Variants in CCDC91 observed in about 807,000 individuals in gnomAD.
CCDC91 encodes the protein coiled-coil domain-containing protein 91.
CCDC91 carries 48 observed loss-of-function variants against 63.2 expected under a neutral mutation model. The ratio of observed to expected loss-of-function variants is 0.76; its 90% CI spans 0.60 to 0.97. CCDC91 has a LOEUF of 0.97. Ranked by LOEUF, CCDC91 falls within the 50% of genes least tolerant of loss-of-function variation. CCDC91 has a pLI of 0.00. For synonymous variants in CCDC91, 167 were observed against 165.8 expected (o/e 1.01, Z -0.06); for missense variants, 500 against 494.6 (o/e 1.01, Z -0.10).
At chr12:28,416,577 G>T (rs1292836331) in intron 8 of CCDC91, among the ~76,000 whole-genome samples, 5 of 152,050 alleles carry the variant, frequency 3.3e-5, no homozygotes, top group African/African-American at 9.7e-5. Context: ...GGGAATTGTT[G>T]CTAAACTGAC....
chr12:28,244,093 A>G (rs1187130326), intron 1 of CCDC91, among the ~76,000 whole-genome samples: 1 of 152,252 alleles, frequency 6.6e-6, no homozygotes, highest in Non-Finnish European at 1.5e-5. Flanking sequence ...TTTCCCAGGT[A>G]TGCAAGGATG....
intron 11 of CCDC91, among the ~76,000 whole-genome samples, chr12:28,467,560 GAAATCAAC>G (rs922222610): frequency 1.3e-5 from 2 of 151,904 alleles, no homozygotes; most frequent in Non-Finnish European, 1.5e-5. Flanking sequence ...CTTCCACAAG[GAAATCAAC>G]AAATCAACAC....
chr12:28,260,181 T>C (rs1359749287), intron 3 of CCDC91, among the ~76,000 whole-genome samples: 3 of 152,152 alleles, frequency 2.0e-5, no homozygotes, highest in East Asian at 3.9e-4. Context: ...ATTTGTAATA[T>C]GAAATAGATT....
chr12:28,246,306 T>C (rs1945730919), intron 1 of CCDC91, among the ~76,000 whole-genome samples: 1 of 152,200 alleles, frequency 6.6e-6, no homozygotes. Context: ...GTTATATGTA[T>C]TACAACTTAC....
At chr12:28,461,839 G>A (rs1036054025) in intron 11 of CCDC91, among the ~76,000 whole-genome samples, 2 of 152,042 alleles carry the variant, frequency 1.3e-5, no homozygotes, top group Non-Finnish European at 2.9e-5. Flanking sequence ...CTGGAACATA[G>A]TATGTGTTGT....
In CCDC91 at chr12:28,200,995, CG is replaced by C. The variant is rs529817220; in HGVS notation, c.-15+10360del. Among the ~76,000 whole-genome samples the C allele has an allele frequency of 3.0e-4, 38 of 127,056 alleles. 1 individual carries two copies. In the South Asian group the frequency reaches 7.3e-3, roughly 24 times the overall value. The allele number at this position is 127,056 out of a possible 152,430, so 83.4% of individuals were successfully genotyped here. On this transcript the variant is annotated intron_variant, in intron 1 of 12. Coordinates refer to ENST00000536442, the MANE Select transcript of CCDC91 (RefSeq NM_018318.5). ...CTCCCGGACGGGGCGGCTGGCCGGGCGGGGGGCTGACCCCCCCACCTCCCTC... is the reference window on the plus strand; with the variant it reads ...CTCCCGGACGGGGCGGCTGGCCGGGCGGGGGCTGACCCCCCCACCTCCCTC...
At chr12:28,404,315 A>G (rs1265824311) in intron 8 of CCDC91, among the ~76,000 whole-genome samples, 1 of 151,992 alleles carries the variant, frequency 6.6e-6, no homozygotes, top group Non-Finnish European at 1.5e-5. Flanking sequence ...CTATTCTCCT[A>G]TTATTGATTT....
At chr12:28,268,576 C>A in intron 3 of CCDC91, 1 of 641,938 alleles carries the variant, frequency 1.6e-6, no homozygotes, top group Non-Finnish European at 1.9e-6. Context: ...GAATATCAGT[C>A]TCCCCTTTGG....
chr12:28,288,541 G>A (rs1949038653), intron 3 of CCDC91, among the ~76,000 whole-genome samples: 1 of 152,108 alleles, frequency 6.6e-6, no homozygotes, highest in African/African-American at 2.4e-5. Context: ...GCATCCCAGG[G>A]ATAAAGCCTC....
At chr12:28,304,649 A>G (rs1296280703) in intron 3 of CCDC91, 12 of 1,275,994 alleles carry the variant, frequency 9.4e-6, no homozygotes, top group Non-Finnish European at 1.2e-5. Context: ...TTTCATTGTG[A>G]GCTGCCTTCC....
chr12:28,414,231 T>C (rs1261705414), intron 8 of CCDC91, among the ~76,000 whole-genome samples: 1 of 152,184 alleles, frequency 6.6e-6, no homozygotes, highest in Non-Finnish European at 1.5e-5. Context: ...GACAGAAATA[T>C]ATACCTCTAG....
chr12:28,357,434 T>G (rs1943594276), intron 6 of CCDC91, among the ~76,000 whole-genome samples: 1 of 152,106 alleles, frequency 6.6e-6, no homozygotes, highest in Non-Finnish European at 1.5e-5. Context: ...CAGTAATAAA[T>G]TGATGAATGA....
At chr12:28,532,347 CTTA>C (rs1424372368) in intron 12 of CCDC91, among the ~76,000 whole-genome samples, 3 of 151,990 alleles carry the variant, frequency 2.0e-5, no homozygotes, top group Non-Finnish European at 4.4e-5. Context: ...CATGTAGTAT[CTTA>C]TTATGTCACA....
chr12:28,446,134 A>G (rs1219028688), intron 8 of CCDC91, among the ~76,000 whole-genome samples: 1 of 152,166 alleles, frequency 6.6e-6, no homozygotes, highest in African/African-American at 2.4e-5. Flanking sequence ...CTCTTAACAC[A>G]TTGCTCCTAG....
chr12:28,283,653 G>A (rs1203657254), intron 3 of CCDC91, among the ~76,000 whole-genome samples: 1 of 152,000 alleles, frequency 6.6e-6, no homozygotes, highest in Non-Finnish European at 1.5e-5. Context: ...TGGAATATTT[G>A]CATATATATA....
At chr12:28,544,222 A>G (rs1476714006) in intron 12 of CCDC91, among the ~76,000 whole-genome samples, 1 of 151,582 alleles carries the variant, frequency 6.6e-6, no homozygotes, top group African/African-American at 2.4e-5. Flanking sequence ...TTTTGCTCCA[A>G]TCTTAATGGA....
chr12:28,378,400 G>A (rs981631330), intron 7 of CCDC91, among the ~76,000 whole-genome samples: 14 of 151,984 alleles, frequency 9.2e-5, no homozygotes, highest in South Asian at 4.1e-4. Context: ...TGTTTGTACC[G>A]TTTTATGAAG....
chr12:28,248,355 G>A (rs886746085), intron 1 of CCDC91, among the ~76,000 whole-genome samples: 1 of 152,120 alleles, frequency 6.6e-6, no homozygotes, highest in Non-Finnish European at 1.5e-5. Context: ...ATCTAAATTA[G>A]AGATAGAGAT....
At chr12:28,448,744 T>C (rs1447641626) in intron 8 of CCDC91, among the ~76,000 whole-genome samples, 4 of 152,076 alleles carry the variant, frequency 2.6e-5, no homozygotes, top group Non-Finnish European at 1.5e-5. Context: ...TTTGTTTTAT[T>C]TGTGTTATGT....
Sources: gnomAD v4.1 joint callset for allele counts (sites outside exome capture counted in the v4.1 genomes callset) on GRCh38, gnomAD v4.1.1 for gene constraint, MANE v1.5 for transcripts, NCBI Gene and HGNC (gene_info 2026-07-23, HGNC 2026-07-21) for gene names.